The following SLC22A11 variants were observed in gnomAD, a reference collection of about 807,000 sequenced individuals.
SLC22A11 encodes organic anion transporter 4.
SLC22A11 carries 42 observed loss-of-function variants against 49.4 expected under a neutral mutation model. The observed-to-expected ratio is 0.85, with a 90% CI of 0.66 to 1.10. The LOEUF (loss-of-function observed/expected upper bound fraction) is 1.10, where lower values mean the gene tolerates loss of function less well. Ranked by LOEUF, SLC22A11 falls within the 50% of genes least tolerant of loss-of-function variation. The probability of loss-of-function intolerance (pLI) is 0.00; values close to 1 mark genes in which losing one functional copy is unlikely to be tolerated. For synonymous variants in SLC22A11, 304 were observed against 315.8 expected, an observed-to-expected ratio of 0.96 and a Z score of 0.40; for missense variants, 685 against 731.6, an observed-to-expected ratio of 0.94 and a Z score of 0.74.
chr11:64,565,763 C>T lies in SLC22A11; in HGVS notation c.1058+426C>T, dbSNP rs536006540. ...GTGAACCTGCATTCGCTGACCCCTC[C>T]ATGCAACCCCACTTCACTGATGGGG... On this transcript the variant is annotated intron_variant, in intron 6 of 9. Coordinates refer to ENST00000301891, the MANE Select transcript of SLC22A11 (RefSeq NM_018484.4). The surrounding 1 kb of genome is among the most constrained non-coding windows in gnomAD (Gnocchi z 4.1). 1 of 349,802 alleles carries T rather than the reference C, an allele frequency of 2.9e-6. No individual in the cohort carries two copies. Among genetic ancestry groups the T allele is most frequent in the Non-Finnish European group, 5.7e-6 (1 of 175,254 alleles). 21.7% of individuals were successfully genotyped at this position (349,802 alleles called of 1,614,324 possible). A position where few individuals can be genotyped will look rare whatever the true frequency, so the allele number is the denominator to read the frequency against.
chr11:64,569,794 C>T lies in SLC22A11; in HGVS notation c.1525C>T (p.Leu509=), dbSNP rs1332983871. ...CTCCATTGCTTCCAGCCTGGTTGTG[C>T]TGTTCTTCCTCCCGGAGACCCAGGG... ...VISIASSLVV[L]FFLPETQGLP... Residue 509 remains leucine (L), a synonymous_variant, in exon 9 of 10, where the codon CTG becomes TTG. Transcript: ENST00000301891. The T allele has an allele frequency of 6.2e-7, 1 of 1,614,096 alleles. No homozygotes were observed. Among genetic ancestry groups the T allele is most frequent in the East Asian group, 2.2e-5 (1 of 44,874 alleles).
chr11:64,561,778 C>A (rs184994010), intron 2 of SLC22A11, among the ~76,000 whole-genome samples: 9 of 152,122 alleles, frequency 5.9e-5, no homozygotes, highest in Non-Finnish European at 1.3e-4. Flanking sequence ...GGCCCCAAAC[C>A]CCATGTTCTT....
At chr11:64,570,642 A>T (rs2038691232) in intron 9 of SLC22A11, among the ~76,000 whole-genome samples, 1 of 152,124 alleles carries the variant, frequency 6.6e-6, no homozygotes, top group Non-Finnish European at 1.5e-5. Flanking sequence ...TTATTGTTTT[A>T]TGTCACCTTA....
chr11:64,565,277 T>C lies in SLC22A11; in HGVS notation c.998T>C (p.Val333Ala). The C allele has an allele frequency of 2.6e-6, 4 of 1,551,456 alleles. No individual in the cohort carries two copies. The highest frequency in any genetic ancestry group is 2.6e-6 in the Non-Finnish European group (3 of 1,147,904). Residue 333 changes from valine to alanine, a missense_variant, in exon 6 of 10, where the codon GTG becomes GCG. By Grantham distance (64) the Val-to-Ala change is moderately conservative (BLOSUM62 0). Transcript: ENST00000301891. This position sits in a 1 kb window ranked among gnomAD's most constrained non-coding sequence, Gnocchi z 4.1. ...EVASAKEPRS[V>A]LDLFCVPVLR... ...GCCTCTGCAAAGGAGCCGCGGTCGG[T>C]GCTGGACCTGTTCTGCGTGCCCGTG...
intron 4 of SLC22A11, among the ~76,000 whole-genome samples, chr11:64,563,607 T>G (rs1175586378): frequency 2.8e-5 from 1 of 36,192 alleles, no homozygotes; most frequent in Non-Finnish European, 7.6e-5. Context: ...ATTTTAAATG[T>G]GCTAAAAAAA....
chr11:64,565,362 C>G lies in SLC22A11; in HGVS notation c.1058+25C>G. On this transcript the variant is annotated intron_variant, in intron 6 of 9. Coordinates refer to ENST00000301891, the MANE Select transcript of SLC22A11 (RefSeq NM_018484.4). The surrounding 1 kb of genome is among the most constrained non-coding windows in gnomAD (Gnocchi z 4.1). ...AGTACGCCGTCCTGGTGTCCCTCCC[C>G]AAGGCAGGGCTGGGACAGGCAGGAG... is the stretch of plus-strand genomic sequence containing the variant. The G allele has an allele frequency of 6.5e-7, 1 of 1,532,588 alleles. No homozygotes were observed. Among genetic ancestry groups the G allele is most frequent in the Non-Finnish European group, 8.8e-7 (1 of 1,135,552 alleles). 94.9% of individuals were successfully genotyped at this position (1,532,588 alleles called of 1,614,324 possible).
chr11:64,570,929 G>GT, intron 9 of SLC22A11, 50 bp from the exon 10 acceptor site: 1 of 1,602,170 alleles, frequency 6.2e-7, no homozygotes. Context: ...CAAGCTCCGA[G>GT]TACATACCCA....
rs754623017 is a variant in SLC22A11 at position 64,570,987 on chromosome 11, C to G, written c.1598C>G (p.Thr533Arg). 12 of 1,614,122 alleles carry G rather than the reference C, an allele frequency of 7.4e-6. No individual in the cohort carries two copies. Among genetic ancestry groups the G allele is most frequent in the Non-Finnish European group, 1.0e-5 (12 of 1,180,048 alleles). ...TIQDLESQKS[T>R]AAQGNRQEAV... ...TCTTTGGATTATTCTAGGAAATCAA[C>G]AGCAGCCCAGGGCAACCGGCAAGAG... Residue 533 changes from threonine (T) to arginine (R), a missense_variant, in exon 10 of 10, where the codon ACA becomes AGA. Transcript: ENST00000301891.
intron 1 of SLC22A11, 146 bp downstream of exon 1, chr11:64,556,538 G>A: frequency 1.5e-6 from 2 of 1,314,984 alleles, no homozygotes; most frequent in Non-Finnish European, 2.1e-6. Flanking sequence ...ACACAGGGGA[G>A]TGGGCGGCAG....
Position 64,556,411 on chromosome 11 carries a change from C to T in SLC22A11, c.393+19C>T. 1.9e-6 allele frequency: 3 copies of T among 1,606,666 alleles called. No homozygotes were observed. Among genetic ancestry groups the T allele is most frequent in the Admixed American group, 1.7e-5 (1 of 59,924 alleles). On this transcript the variant is annotated intron_variant, in intron 1 of 9. Transcript: ENST00000301891. ...GGCCAAGGTAGGGCCTCCCCCAGAG[C>T]CACTCGAGTCCCGTCACCTTGGAGG... is the stretch of plus-strand genomic sequence containing the variant.
At chr11:64,566,284 G>A (rs1342286916) in intron 6 of SLC22A11, 1 of 151,906 alleles carries the variant, frequency 6.6e-6, no homozygotes, top group Admixed American at 6.6e-5. Flanking sequence ...GTTTGATTGG[G>A]ACTTTTATCT....
chr11:64,571,149 T>C lies in SLC22A11; in HGVS notation c.*107T>C. The C allele has an allele frequency of 7.9e-7, 1 of 1,272,030 alleles. No homozygotes were observed. The highest frequency in any genetic ancestry group is 1.1e-6 in the Non-Finnish European group (1 of 881,958). The allele number at this position is 1,272,030 out of a possible 1,614,324, so 78.8% of individuals were successfully genotyped here. A position where few individuals can be genotyped will look rare whatever the true frequency, so the allele number is the denominator to read the frequency against. Reference sequence around the variant, plus strand: ...GTTGGGCGACTTCAAGGGCCTGGCATGGCAGAGGCCAGGCAGCCGTGGCCG... The same window carrying C: ...GTTGGGCGACTTCAAGGGCCTGGCACGGCAGAGGCCAGGCAGCCGTGGCCG... On this transcript the variant is annotated 3_prime_UTR_variant, in exon 10 of 10. Coordinates refer to ENST00000301891, the MANE Select transcript of SLC22A11 (RefSeq NM_018484.4).
Position 64,567,653 on chromosome 11 carries a change from C to A in SLC22A11, c.1113C>A (p.Gly371=). 1 of 1,614,108 alleles carries A rather than the reference C, an allele frequency of 6.2e-7. No homozygotes were observed. Among genetic ancestry groups the A allele is most frequent in the Non-Finnish European group, 8.5e-7 (1 of 1,180,034 alleles). ...YGLVFDLQSL[G]RDIFLLQALF... ...TGGTCTTCGACCTGCAGAGCCTGGGCCGTGACATCTTCCTCCTCCAGGCCC... is the reference window on the plus strand; with the variant it reads ...TGGTCTTCGACCTGCAGAGCCTGGGACGTGACATCTTCCTCCTCCAGGCCC... Residue 371 remains glycine (G), a synonymous_variant, in exon 7 of 10, where the codon GGC becomes GGA. Transcript: ENST00000301891.
chr11:64,557,011 G>A (rs1414316999), intron 1 of SLC22A11, among the ~76,000 whole-genome samples: 1 of 152,212 alleles, frequency 6.6e-6, no homozygotes, highest in Middle Eastern at 3.2e-3. Context: ...CCCAGATTCG[G>A]ATCGGGGCTC....
Position 64,556,168 on chromosome 11 carries a change from G to A in SLC22A11, c.169G>A (p.Gly57Ser), listed in dbSNP as rs962494501. ...HRCWTHMLDN[G>S]SAVSTNMTPK... is the part of the protein sequence containing the mutation. Reference sequence around the variant, plus strand: ...ATGCTGGACACACATGCTGGACAATGGCTCTGCGGTTTCCACAAACATGAC... The same window carrying A: ...ATGCTGGACACACATGCTGGACAATAGCTCTGCGGTTTCCACAAACATGAC... The change falls in exon 1 of 10, where the codon GGC becomes AGC. Residue 57 changes from glycine to serine, a missense_variant. By Grantham distance (56) the Gly-to-Ser change is moderately conservative (BLOSUM62 0). Transcript: ENST00000301891. 9 of 1,614,054 alleles carry A rather than the reference G, an allele frequency of 5.6e-6. No homozygotes were observed. The highest frequency in any genetic ancestry group is 1.3e-5 in the African/African-American group (1 of 74,914).
At position 64,571,171 on chromosome 11, in the gene SLC22A11, G is replaced by A. The variant is rs1257484738; in HGVS notation, c.*129G>A. 1 of 991,756 alleles carries A rather than the reference G, an allele frequency of 1.0e-6. No homozygotes were observed. Among genetic ancestry groups the A allele is most frequent in the South Asian group, 1.4e-5 (1 of 70,598 alleles). The allele number at this position is 991,756 out of a possible 1,614,324, so 61.4% of individuals were successfully genotyped here. A position where few individuals can be genotyped will look rare whatever the true frequency, so the allele number is the denominator to read the frequency against. Reference sequence around the variant, plus strand: ...GCATGGCAGAGGCCAGGCAGCCGTGGCCGAGTGGACAGCGTGGCCGTCTGC... The same window carrying A: ...GCATGGCAGAGGCCAGGCAGCCGTGACCGAGTGGACAGCGTGGCCGTCTGC... On this transcript the variant is annotated 3_prime_UTR_variant, in exon 10 of 10. Transcript: ENST00000301891.
At chr11:64,569,399 C>A (rs1202385934) in intron 8 of SLC22A11, among the ~76,000 whole-genome samples, 1 of 152,104 alleles carries the variant, frequency 6.6e-6, no homozygotes, top group Non-Finnish European at 1.5e-5. Flanking sequence ...AGCTCAGTGG[C>A]CTAGCAGGAG....
At chr11:64,567,488 C>A in intron 6 of SLC22A11, 111 bp from the exon 7 acceptor site, 1 of 955,260 alleles carries the variant, frequency 1.0e-6, no homozygotes, top group Non-Finnish European at 1.6e-6. Context: ...CCAGGATTGT[C>A]CTCCGGGGTT....
chr11:64,568,630 TC>T, intron 7 of SLC22A11, 39 bp from the exon 8 acceptor site: 1 of 1,562,518 alleles, frequency 6.4e-7, no homozygotes, highest in Non-Finnish European at 8.8e-7. Flanking sequence ...CTGGGTACCC[TC>T]CAGGGCAAAC....
Sources: allele counts gnomAD v4.1 joint callset (sites outside exome capture counted in the v4.1 genomes callset), GRCh38; gene constraint gnomAD v4.1.1; non-coding constraint Gnocchi (gnomAD v3.1); transcripts MANE v1.5; gene names NCBI Gene and HGNC (gene_info 2026-07-23, HGNC 2026-07-21).